CDH18: variants seen among roughly 807,000 people sequenced by gnomAD.
CDH18 encodes cadherin-18.
In CDH18, 31 loss-of-function variants were observed where a neutral mutation model predicts 67.9. The observed-to-expected ratio is 0.46, with a 90% CI of 0.34 to 0.62. CDH18 has a LOEUF of 0.62. CDH18 is among the 20% of genes least tolerant of loss of function. CDH18 has a pLI of 0.01. For missense variants in CDH18, 890 were observed against 975.5 expected (o/e 0.91, Z 1.17); for synonymous variants, 362 against 347.2 (o/e 1.04, Z -0.48).
rs569555724 is a variant in CDH18, at chr5:20,265,122, T to C, written c.-579-9617A>G. Among the ~76,000 whole-genome samples, 109 of 152,314 alleles carry C rather than the reference T, an allele frequency of 7.2e-4. 1 individual carries two copies. The highest frequency in any genetic ancestry group is 2.5e-3 in the African/African-American group (106 of 41,596). ...CACATCAGTTATTCATATTAGATTA[T>C]AGTTAATGAGCAACTTTCAAACTAC... On this transcript the variant is annotated intron_variant, in intron 1 of 14. Transcript: ENST00000507958.
Position 20,541,082 on chromosome 5 carries a change from C to A in CDH18, c.-580+34380G>T, listed in dbSNP as rs536184843. ...TTCAATCTATCGGATTAAATATCAT[C>A]CTCCTGAAAGAAGTGCAAAAGCAGG... On this transcript the variant is annotated intron_variant, in intron 1 of 14. Transcript: ENST00000507958. 7.3e-4 allele frequency among the ~76,000 whole-genome samples: 111 copies of A among 152,230 alleles called. 1 individual carries two copies. Among genetic ancestry groups the A allele is most frequent in the African/African-American group, 2.7e-3 (111 of 41,546 alleles).
At chr5:20,019,032 C>T (rs970292539) in intron 2 of CDH18, among the ~76,000 whole-genome samples, 1 of 142,378 alleles carries the variant, frequency 7.0e-6, no homozygotes, top group Non-Finnish European at 1.5e-5. Context: ...CTCCTGACCT[C>T]GTGATCCGCC....
intron 5 of CDH18, among the ~76,000 whole-genome samples, chr5:19,663,981 T>A (rs1020068921): frequency 2.6e-5 from 4 of 151,808 alleles, no homozygotes; most frequent in African/African-American, 9.7e-5. Context: ...TATAAGAAGA[T>A]GACGGGTTTA....
intron 2 of CDH18, among the ~76,000 whole-genome samples, chr5:20,157,102 C>A (rs1406009744): frequency 6.6e-6 from 1 of 152,036 alleles, no homozygotes; most frequent in African/African-American, 2.4e-5. Flanking sequence ...TGATTCATGG[C>A]CTTTGGGACA....
At chr5:20,150,947 T>A (rs537770203) in intron 2 of CDH18, among the ~76,000 whole-genome samples, 2 of 152,114 alleles carry the variant, frequency 1.3e-5, no homozygotes, top group South Asian at 4.1e-4. Context: ...TATGTTTTAT[T>A]CTTCTACATG....
intron 2 of CDH18, among the ~76,000 whole-genome samples, chr5:20,221,861 C>A (rs999684130): frequency 6.6e-6 from 1 of 152,110 alleles, no homozygotes; most frequent in Admixed American, 6.6e-5. Context: ...TTCCAAAGTT[C>A]TACCATATCT....
At chr5:19,563,166 T>C (rs1279570403) in intron 8 of CDH18, among the ~76,000 whole-genome samples, 1 of 152,184 alleles carries the variant, frequency 6.6e-6, no homozygotes, top group African/African-American at 2.4e-5. Context: ...GTAGTCATTT[T>C]GTTTGTTTGT....
intron 2 of CDH18, among the ~76,000 whole-genome samples, chr5:20,113,076 A>C (rs1747614967): frequency 6.6e-6 from 1 of 152,208 alleles, no homozygotes. Context: ...TTCTAATAAT[A>C]AAGGTGAACA....
chr5:19,889,161 A>G (rs1399113019), intron 2 of CDH18, among the ~76,000 whole-genome samples: 2 of 152,112 alleles, frequency 1.3e-5, no homozygotes, highest in Non-Finnish European at 2.9e-5. Context: ...CATTTTCTGT[A>G]CAAAGCCAAT....
At chr5:20,355,114 T>G (rs987188527) in intron 1 of CDH18, among the ~76,000 whole-genome samples, 25 of 152,202 alleles carry the variant, frequency 1.6e-4, no homozygotes, top group African/African-American at 5.8e-4. Flanking sequence ...CTCCCAGACA[T>G]CTCCAGCTCC....
At position 20,519,364 on chromosome 5, in the gene CDH18, G is replaced by T. The variant is rs889811515; in HGVS notation, c.-580+56098C>A. On this transcript the variant is annotated intron_variant, in intron 1 of 14. Coordinates refer to the CDH18 transcript ENST00000507958. ...AAATCATCATTCTCAGCAAACTATCGCAAGGACAAAAAACCAAACACCGCA... is the reference window on the plus strand; with the variant it reads ...AAATCATCATTCTCAGCAAACTATCTCAAGGACAAAAAACCAAACACCGCA... 2.0e-5 allele frequency among the ~76,000 whole-genome samples: 3 copies of T among 152,082 alleles called. No individual in the cohort carries two copies. The East Asian group carries it at 5.8e-4, about 29-fold the overall frequency.
intron 2 of CDH18, among the ~76,000 whole-genome samples, chr5:20,207,759 A>T (rs1020779928): frequency 2.0e-5 from 3 of 152,104 alleles, no homozygotes; most frequent in African/African-American, 7.2e-5. Context: ...CCATATCAAT[A>T]CCTAAAGCAA....
At chr5:20,547,776 G>C (rs1184595286) in intron 1 of CDH18, among the ~76,000 whole-genome samples, 3 of 152,116 alleles carry the variant, frequency 2.0e-5, no homozygotes, top group Non-Finnish European at 2.9e-5. Context: ...TGAGTAGGAA[G>C]ACTGAAGCAG....
chr5:20,031,711 A>AT (rs1044682082), intron 2 of CDH18, among the ~76,000 whole-genome samples: 2 of 152,112 alleles, frequency 1.3e-5, no homozygotes, highest in Non-Finnish European at 2.9e-5. Context: ...TTTATTTGAG[A>AT]TTTTTTAGAG....
intron 2 of CDH18, among the ~76,000 whole-genome samples, chr5:19,840,035 G>A (rs1468327105): frequency 6.6e-6 from 1 of 151,480 alleles, no homozygotes; most frequent in Non-Finnish European, 1.5e-5. Context: ...GAGGTGGGCA[G>A]ATCACAAGGC....
chr5:19,730,678 T>A (rs1767469272), intron 4 of CDH18, among the ~76,000 whole-genome samples: 1 of 152,110 alleles, frequency 6.6e-6, no homozygotes, highest in Non-Finnish European at 1.5e-5. Context: ...ATGTGGACAA[T>A]CTGTGGTTGT....
chr5:20,545,032 G>C (rs559855708), intron 1 of CDH18, among the ~76,000 whole-genome samples: 61 of 152,192 alleles, frequency 4.0e-4, no homozygotes, highest in Non-Finnish European at 7.2e-4. Context: ...CCAGAGCAAA[G>C]GGGCTACAGA....
chr5:19,886,605 T>A (rs1000123364), intron 2 of CDH18, among the ~76,000 whole-genome samples: 1 of 152,182 alleles, frequency 6.6e-6, no homozygotes, highest in African/African-American at 2.4e-5. Flanking sequence ...ACTCCGGTAA[T>A]GTATCTTTTA....
In CDH18 at chr5:19,703,307, T is replaced by C. The variant is rs190825889; in HGVS notation, c.643+18040A>G. On this transcript the variant is annotated intron_variant, in intron 5 of 12. Transcript: ENST00000382275. ...GAGTACTCTTAAGCAATCCCTGTGG[T>C]GAGTAAGAAGGGGAGCTTGGAAGCA... Among the ~76,000 whole-genome samples the C allele has an allele frequency of 1.3e-3, 196 of 151,920 alleles. 1 individual carries two copies. The highest frequency in any genetic ancestry group is 4.6e-3 in the African/African-American group (190 of 41,406).
Sources: allele counts gnomAD v4.1 joint callset (sites outside exome capture counted in the v4.1 genomes callset), GRCh38; gene constraint gnomAD v4.1.1; transcripts MANE v1.5; gene names NCBI Gene and HGNC (gene_info 2026-07-23, HGNC 2026-07-21).